The following CCSER1 variants were observed in gnomAD, a reference collection of about 807,000 sequenced individuals.
CCSER1 encodes the protein coiled-coil serine rich protein 1.
Under a neutral mutation model 82.0 loss-of-function variants are expected in CCSER1, and 41 were observed. That is an observed-to-expected ratio of 0.50 (90% CI 0.39 to 0.65). The LOEUF is 0.65. Ranked by LOEUF, CCSER1 falls within the 30% of genes least tolerant of loss-of-function variation. The pLI, the probability that CCSER1 is intolerant of heterozygous loss-of-function variation, is 0.00. For missense variants in CCSER1, 1,119 were observed against 1,064.2 expected, an observed-to-expected ratio of 1.05 and a Z score of -0.72; for synonymous variants, 414 against 383.9, an observed-to-expected ratio of 1.08 and a Z score of -0.92.
chr4:91,407,680 T>A (rs1342924211), intron 10 of CCSER1, among the ~76,000 whole-genome samples: 1 of 152,064 alleles, frequency 6.6e-6, no homozygotes, highest in Non-Finnish European at 1.5e-5. Flanking sequence ...GGAGCAGGCT[T>A]CTATACAGAG....
chr4:90,404,284 C>G (rs190381839), intron 4 of CCSER1, among the ~76,000 whole-genome samples: 1 of 152,070 alleles, frequency 6.6e-6, no homozygotes, highest in Non-Finnish European at 1.5e-5. Context: ...GAACCACACC[C>G]CCATTCCCCA....
chr4:90,539,849 T>G (rs1775882949), intron 5 of CCSER1, among the ~76,000 whole-genome samples: 1 of 152,128 alleles, frequency 6.6e-6, no homozygotes, highest in African/African-American at 2.4e-5. Context: ...AGGTATTAAG[T>G]GATCACTTTT....
intron 8 of CCSER1, among the ~76,000 whole-genome samples, chr4:90,884,158 A>G (rs1329482287): frequency 1.3e-5 from 2 of 152,208 alleles, no homozygotes; most frequent in African/African-American, 4.8e-5. Flanking sequence ...TGGAGAGGTC[A>G]CTACAATGAA....
At chr4:90,813,726 G>C (rs1401735340) in intron 7 of CCSER1, among the ~76,000 whole-genome samples, 1 of 152,152 alleles carries the variant, frequency 6.6e-6, no homozygotes, top group Non-Finnish European at 1.5e-5. Flanking sequence ...GAAACTATAA[G>C]TCCAATTAAA....
intron 8 of CCSER1, among the ~76,000 whole-genome samples, chr4:90,863,864 A>G (rs1389888123): frequency 6.6e-6 from 1 of 151,966 alleles, no homozygotes; most frequent in Non-Finnish European, 1.5e-5. Flanking sequence ...TAAAACACCA[A>G]CAAAAGCCCT....
chr4:91,100,453 C>G (rs1724946228), intron 10 of CCSER1, among the ~76,000 whole-genome samples: 2 of 151,952 alleles, frequency 1.3e-5, no homozygotes, highest in Admixed American at 1.3e-4. Context: ...TCATGCTATT[C>G]AGAGATTTTA....
At chr4:91,293,684 G>A (rs1441262498) in intron 10 of CCSER1, among the ~76,000 whole-genome samples, 1 of 151,790 alleles carries the variant, frequency 6.6e-6, no homozygotes, top group Non-Finnish European at 1.5e-5. Context: ...TCTGCAAGAT[G>A]TTGTTTAAGT....
intron 10 of CCSER1, among the ~76,000 whole-genome samples, chr4:91,208,299 G>A (rs1581773366): frequency 6.6e-6 from 1 of 151,968 alleles, no homozygotes; most frequent in Middle Eastern, 3.4e-3. Flanking sequence ...TGAAATCTTT[G>A]CCAGTTCCTA....
At chr4:90,485,010 T>C (rs1766771541) in intron 5 of CCSER1, among the ~76,000 whole-genome samples, 1 of 152,208 alleles carries the variant, frequency 6.6e-6, no homozygotes, top group South Asian at 2.1e-4. Flanking sequence ...CCTTGAGCTG[T>C]GGTGGGCTCC....
At chr4:90,532,628 G>C (rs529294286) in intron 5 of CCSER1, among the ~76,000 whole-genome samples, 1 of 152,060 alleles carries the variant, frequency 6.6e-6, no homozygotes, top group African/African-American at 2.4e-5. Flanking sequence ...GTATACAATA[G>C]GTAAATAAAT....
intron 8 of CCSER1, among the ~76,000 whole-genome samples, chr4:90,921,840 G>A (rs1728426494): frequency 6.6e-6 from 1 of 152,006 alleles, no homozygotes; most frequent in African/African-American, 2.4e-5. Context: ...CTCAAAAGTA[G>A]ATAATCAAAC....
chr4:90,325,743 T>G (rs1378617460), intron 3 of CCSER1: 2 of 369,624 alleles, frequency 5.4e-6, no homozygotes, highest in Non-Finnish European at 1.1e-5. Context: ...ATGAAGACGA[T>G]TTATTTTATA....
intron 10 of CCSER1, among the ~76,000 whole-genome samples, chr4:91,349,625 G>A (rs1748330510): frequency 6.6e-6 from 1 of 151,972 alleles, no homozygotes; most frequent in Admixed American, 6.5e-5. Context: ...AGGTAAGGCT[G>A]TGCTACAATA....
At chr4:90,440,966 A>T (rs935565845) in intron 4 of CCSER1, among the ~76,000 whole-genome samples, 1 of 152,292 alleles carries the variant, frequency 6.6e-6, no homozygotes, top group East Asian at 1.9e-4. Context: ...ACTAGAAAAA[A>T]AAAAGATAGT....
chr4:91,350,907 CAT>C (rs1481685007), intron 10 of CCSER1, among the ~76,000 whole-genome samples: 1 of 151,874 alleles, frequency 6.6e-6, no homozygotes, highest in East Asian at 1.9e-4. Flanking sequence ...AGTCTTAAAA[CAT>C]ATTATTATTT....
intron 10 of CCSER1, among the ~76,000 whole-genome samples, chr4:91,155,032 C>G (rs1260938665): frequency 6.4e-5 from 5 of 77,582 alleles, no homozygotes; most frequent in Admixed American, 6.1e-4. Context: ...CTTTTCTGGC[C>G]TTAAAAAAAA....
intron 4 of CCSER1, among the ~76,000 whole-genome samples, chr4:90,442,659 C>T (rs938427359): frequency 3.3e-5 from 5 of 152,110 alleles, no homozygotes; most frequent in African/African-American, 7.2e-5. Flanking sequence ...CAAGTTTTGA[C>T]GATGTGCTGA....
intron 6 of CCSER1, among the ~76,000 whole-genome samples, chr4:90,659,845 G>T (rs1369541018): frequency 1.3e-5 from 2 of 151,960 alleles, no homozygotes; most frequent in Non-Finnish European, 2.9e-5. Context: ...ATATCCCATT[G>T]TGGCTTTAAT....
intron 10 of CCSER1, among the ~76,000 whole-genome samples, chr4:91,248,491 G>A (rs568403868): frequency 7.2e-5 from 11 of 152,198 alleles, no homozygotes; most frequent in Non-Finnish European, 1.6e-4. Flanking sequence ...CACCTCGATG[G>A]TTTTTCTCAG....
Sources: gnomAD v4.1 joint callset for allele counts (sites outside exome capture counted in the v4.1 genomes callset) on GRCh38, gnomAD v4.1.1 for gene constraint, MANE v1.5 for transcripts, NCBI Gene and HGNC (gene_info 2026-07-23, HGNC 2026-07-21) for gene names.